Variants in FRMPD4 observed in about 807,000 individuals in gnomAD.
FRMPD4 encodes FERM and PDZ domain containing 4, also known as FERM and PDZ domain-containing protein 4.
In FRMPD4, 22 loss-of-function variants were observed where a neutral mutation model predicts 94.1. That is an observed-to-expected ratio of 0.23 (90% CI 0.17 to 0.33). The LOEUF (loss-of-function observed/expected upper bound fraction) is 0.33. FRMPD4 is among the 10% of genes least tolerant of loss of function. FRMPD4 has a pLI of 1.00. For synonymous variants in FRMPD4, 631 were observed against 548.6 expected (o/e 1.15, Z -2.10); for missense variants, 1,111 against 1,339.9 (o/e 0.83, Z 2.67).
chrX:12,137,219 T>C (rs1224802253), upstream of FRMPD4, among the ~76,000 whole-genome samples: 1 of 112,408 alleles, frequency 8.9e-6, no homozygotes, highest in Non-Finnish European at 1.9e-5. Flanking sequence ...GATAACTATG[T>C]ATTCAAAAAC....
chrX:11,996,578 C>T (rs2054497352), intron 3 of FRMPD4, among the ~76,000 whole-genome samples: 1 of 112,348 alleles, frequency 8.9e-6, no homozygotes, highest in Admixed American at 9.4e-5. Flanking sequence ...AACAATAATG[C>T]TTCCTTTGTG....
At chrX:12,250,472 C>T (rs917620132) in intron 1 of FRMPD4, among the ~76,000 whole-genome samples, 1 of 111,723 alleles carries the variant, frequency 9.0e-6, no homozygotes, top group Non-Finnish European at 1.9e-5. Context: ...TATGCAAATA[C>T]TCTACTATAA....
At chrX:12,015,064 C>T (rs188799732) in intron 3 of FRMPD4, among the ~76,000 whole-genome samples, 1 of 111,416 alleles carries the variant, frequency 9.0e-6, no homozygotes, top group Non-Finnish European at 1.9e-5. Context: ...TAACTGGCAA[C>T]ACTATGCTTG....
chrX:12,297,142 A>C (rs1367655540), intron 1 of FRMPD4, among the ~76,000 whole-genome samples: 1 of 112,755 alleles, frequency 8.9e-6, no homozygotes, highest in Non-Finnish European at 1.9e-5. Context: ...TAAGTGATAA[A>C]GGATAGCGCT....
At position 12,388,850 on chromosome X, in the gene FRMPD4, T is replaced by TATATATATATATATATATAC. The variant is rs1491368741; in HGVS notation, c.42-109829_42-109828insTATATATATATATATATACA. Reference sequence around the variant, plus strand: ...ATATATATATATATATATATATATATACACACAATGGAGTACTATTCAGCC... The same window carrying TATATATATATATATATATAC: ...ATATATATATATATATATATATATATATATATATATATATATATACACACACAATGGAGTACTATTCAGCC... On this transcript the variant is annotated intron_variant, in intron 1 of 16. Coordinates refer to ENST00000675598, the MANE Select transcript of FRMPD4 (RefSeq NM_001368397.1). Among the ~76,000 whole-genome samples, 70 of 73,368 alleles carry TATATATATATATATATATAC rather than the reference T, an allele frequency of 9.5e-4. 1 individual carries two copies. Among genetic ancestry groups the TATATATATATATATATATAC allele is most frequent in the African/African-American group, 4.1e-3 (63 of 15,485 alleles). The allele number at this position is 73,368 out of a possible 115,157, so 63.7% of individuals were successfully genotyped here. A position where few individuals can be genotyped will look rare whatever the true frequency, so the allele number is the denominator to read the frequency against.
chrX:12,311,456 G>T (rs1055204294), intron 1 of FRMPD4, among the ~76,000 whole-genome samples: 2 of 111,712 alleles, frequency 1.8e-5, no homozygotes, highest in Non-Finnish European at 3.8e-5. Context: ...TGTTGGTTTG[G>T]AGTTACCCAA....
intron 1 of FRMPD4, among the ~76,000 whole-genome samples, chrX:12,141,654 T>G (rs1411111773): frequency 5.5e-5 from 6 of 109,406 alleles, no homozygotes; most frequent in Admixed American, 1.0e-4. Flanking sequence ...CAGTTAGAGT[T>G]ATGACCCTTG....
intron 1 of FRMPD4, among the ~76,000 whole-genome samples, chrX:12,234,946 G>A (rs111610947): frequency 0.012 from 1,313 of 111,933 alleles, 24 homozygotes; most frequent in African/African-American, 0.04. Flanking sequence ...ATCTGCCCTT[G>A]TGGTATCTCA....
intron 2 of FRMPD4, among the ~76,000 whole-genome samples, chrX:12,499,843 C>T (rs966188156): frequency 8.9e-6 from 1 of 111,777 alleles, no homozygotes; most frequent in Non-Finnish European, 1.9e-5. Context: ...CATCGGTGTA[C>T]AAGCATCAAT....
intron 2 of FRMPD4, among the ~76,000 whole-genome samples, chrX:12,605,529 CAT>C (rs751217744): frequency 7.2e-4 from 81 of 111,868 alleles, no homozygotes; most frequent in African/African-American, 2.6e-3. Flanking sequence ...AGCTGGATCA[CAT>C]GTCTACTTGT....
At chrX:12,266,585 G>T (rs757061264) in intron 1 of FRMPD4, among the ~76,000 whole-genome samples, 11 of 112,028 alleles carry the variant, frequency 9.8e-5, no homozygotes, top group African/African-American at 2.6e-4. Flanking sequence ...GAATCAAGGG[G>T]TGGGTTGAGT....
At chrX:12,379,642 C>CGTGTGTGTGTGTGTGTGT (rs55742933) in intron 1 of FRMPD4, among the ~76,000 whole-genome samples, 5 of 89,978 alleles carry the variant, frequency 5.6e-5, no homozygotes, top group East Asian at 7.1e-4. Flanking sequence ...GATATGCTGC[C>CGTGTGTGTGTGTGTGTGT]GTGTGTGTGT....
chrX:12,614,203 C>T (rs1342675716), intron 3 of FRMPD4: 2 of 111,639 alleles, frequency 1.8e-5, no homozygotes, highest in East Asian at 2.8e-4. Context: ...CATCCGAACA[C>T]CCTTTTACTG....
At chrX:12,571,517 G>A (rs1364584461) in intron 2 of FRMPD4, among the ~76,000 whole-genome samples, 1 of 112,379 alleles carries the variant, frequency 8.9e-6, no homozygotes, top group Non-Finnish European at 1.9e-5. Context: ...AGTAATTGGA[G>A]CTTACAGCTC....
At chrX:11,978,110 A>C (rs368928624) in intron 3 of FRMPD4, among the ~76,000 whole-genome samples, 51 of 108,579 alleles carry the variant, frequency 4.7e-4, no homozygotes, top group African/African-American at 1.6e-3. Flanking sequence ...ATTACGAGGT[A>C]AGGAGATCGA....
At chrX:11,875,708 C>T (rs2053779107) in intron 2 of FRMPD4, among the ~76,000 whole-genome samples, 1 of 110,075 alleles carries the variant, frequency 9.1e-6, no homozygotes, top group Non-Finnish European at 1.9e-5. Context: ...GACACAGAAC[C>T]TCTCTTTGCG....
In FRMPD4 at chrX:12,472,646, A is replaced by G. The variant is rs998995315; in HGVS notation, c.42-26034A>G. ...ACCTGATGGAGCGGAAAACCATGGC[A>G]CAAGGACTACGTGACGAATGCACAA... On this transcript the variant is annotated intron_variant, in intron 1 of 16. Transcript: ENST00000675598. 1.2e-3 allele frequency among the ~76,000 whole-genome samples: 134 copies of G among 112,426 alleles called. 1 individual carries two copies. The highest frequency in any genetic ancestry group is 2.1e-3 in the Non-Finnish European group (110 of 53,294).
At chrX:12,398,364 C>T (rs1430776935) in intron 1 of FRMPD4, among the ~76,000 whole-genome samples, 1 of 111,785 alleles carries the variant, frequency 8.9e-6, no homozygotes, top group Non-Finnish European at 1.9e-5. Flanking sequence ...AGTAAAAGGC[C>T]ATTTAGAAGG....
rs774598414 is a variant in FRMPD4 at position 12,612,233 on chromosome X, A to AT, written c.319+2358dup. ...GGAGCTGAATGAAGATTCAAGTCTTATTTTTTATTTTTTGGTATCATCTCA... is the reference window on the plus strand; with the variant it reads ...GGAGCTGAATGAAGATTCAAGTCTTATTTTTTTATTTTTTGGTATCATCTCA... On this transcript the variant is annotated intron_variant, in intron 3 of 16. Transcript: ENST00000675598. 4.8e-3 allele frequency among the ~76,000 whole-genome samples: 534 copies of AT among 111,663 alleles called. 4 individuals carry two copies. Among genetic ancestry groups the AT allele is most frequent in the African/African-American group, 0.016 (496 of 30,765 alleles).
Sources: allele counts gnomAD v4.1 joint callset (sites outside exome capture counted in the v4.1 genomes callset), GRCh38; gene constraint gnomAD v4.1.1; transcripts MANE v1.5; gene names NCBI Gene and HGNC (gene_info 2026-07-23, HGNC 2026-07-21).